UGT1A10: variants seen among roughly 807,000 people sequenced by gnomAD.
UGT1A10 encodes the protein UDP-glucuronosyltransferase 1A10.
A neutral mutation model predicts 45.8 loss-of-function variants in UGT1A10; 49 were observed. That is an observed-to-expected ratio of 1.07 (90% CI 0.85 to 1.36). The LOEUF (loss-of-function observed/expected upper bound fraction) is 1.36. UGT1A10 is among the 40% of genes most tolerant of loss of function. The pLI, the probability that UGT1A10 is intolerant of heterozygous loss-of-function variation, is 0.00. For missense variants in UGT1A10, 745 were observed against 668.6 expected, an observed-to-expected ratio of 1.11 and a Z score of -1.26; for synonymous variants, 284 against 249.7, an observed-to-expected ratio of 1.14 and a Z score of -1.29.
At chr2:233,682,140 G>A in intron 1 of UGT1A10, 1 of 1,614,198 alleles carries the variant, frequency 6.2e-7, no homozygotes, top group Non-Finnish European at 8.5e-7. Context: ...CAACTGGGAA[G>A]ATCACTGAAT....
At chr2:233,650,982 T>C (rs1356448490) in intron 1 of UGT1A10, among the ~76,000 whole-genome samples, 1 of 152,212 alleles carries the variant, frequency 6.6e-6, no homozygotes, top group East Asian at 1.9e-4. Context: ...GTTGTATGTC[T>C]CACACATCGG....
At chr2:233,696,172 A>G (rs755372568) in intron 1 of UGT1A10, among the ~76,000 whole-genome samples, 1 of 152,238 alleles carries the variant, frequency 6.6e-6, no homozygotes, top group Non-Finnish European at 1.5e-5. Flanking sequence ...AAAAAAATAT[A>G]TATTGAAGAG....
intron 1 of UGT1A10, chr2:233,761,091 C>T (rs138454262): frequency 2.5e-6 from 4 of 1,614,104 alleles, no homozygotes; most frequent in Non-Finnish European, 3.4e-6. Context: ...CTAGGCCCAT[C>T]ATGCCCAATA....
intron 1 of UGT1A10, among the ~76,000 whole-genome samples, chr2:233,731,510 C>T (rs1236819305): frequency 6.6e-6 from 1 of 152,156 alleles, no homozygotes; most frequent in African/African-American, 2.4e-5. Context: ...GTTCAGTTCC[C>T]ACCTATGAGT....
At chr2:233,658,238 C>T (rs554172250) in intron 1 of UGT1A10, among the ~76,000 whole-genome samples, 1 of 152,242 alleles carries the variant, frequency 6.6e-6, no homozygotes, top group East Asian at 1.9e-4. Flanking sequence ...AGGCTGGCCT[C>T]AAACTCCTGA....
At chr2:233,721,970 T>C (rs996384194) in intron 1 of UGT1A10, 2 of 281,884 alleles carry the variant, frequency 7.1e-6, no homozygotes, top group African/African-American at 4.4e-5. Context: ...CATACATTGA[T>C]GGCCTGGGTA....
chr2:233,711,508 C>A (rs1359627047), intron 1 of UGT1A10, among the ~76,000 whole-genome samples: 1 of 152,188 alleles, frequency 6.6e-6, no homozygotes. Flanking sequence ...CCCTTTCTAG[C>A]GCTCTGTGTC....
At chr2:233,695,891 A>G (rs1183096724) in intron 1 of UGT1A10, among the ~76,000 whole-genome samples, 1 of 152,212 alleles carries the variant, frequency 6.6e-6, no homozygotes, top group African/African-American at 2.4e-5. Context: ...TTCAGTGAAC[A>G]AATGTGTGGG....
At chr2:233,719,543 A>G (rs756254321) in intron 1 of UGT1A10, 16 of 1,613,668 alleles carry the variant, frequency 9.9e-6, no homozygotes, top group Non-Finnish European at 8.5e-6. Flanking sequence ...TTTTTCAGAG[A>G]GAGGTGTCAG....
chr2:233,714,481 C>T (rs138449579), intron 1 of UGT1A10, among the ~76,000 whole-genome samples: 103 of 152,274 alleles, frequency 6.8e-4, no homozygotes, highest in African/African-American at 2.4e-3. Flanking sequence ...GAGAATGTTT[C>T]TTGTGAAGAC....
At chr2:233,719,184 T>C in intron 1 of UGT1A10, 1 of 1,614,254 alleles carries the variant, frequency 6.2e-7, no homozygotes, top group Non-Finnish European at 8.5e-7. Flanking sequence ...CAATGTATCT[T>C]TGGCCCTTCA....
chr2:233,671,215 G>A (rs770461610), intron 1 of UGT1A10, among the ~76,000 whole-genome samples: 8 of 152,224 alleles, frequency 5.3e-5, no homozygotes, highest in Non-Finnish European at 8.8e-5. Context: ...AGGCAGCTCA[G>A]CAGAGTGCTC....
intron 1 of UGT1A10, chr2:233,691,389 G>A (rs1327522820): frequency 1.0e-6 from 1 of 985,432 alleles, no homozygotes. Flanking sequence ...TTCCCCATGG[G>A]GGCCAGCCCT....
intron 1 of UGT1A10, among the ~76,000 whole-genome samples, chr2:233,674,071 G>C (rs1203148225): frequency 6.6e-6 from 1 of 152,124 alleles, no homozygotes; most frequent in Non-Finnish European, 1.5e-5. Flanking sequence ...AACACCTAAT[G>C]TCTAATCTCA....
chr2:233,729,226 G>C (rs1226081470), intron 1 of UGT1A10: 2 of 1,614,168 alleles, frequency 1.2e-6, no homozygotes, highest in Admixed American at 3.3e-5. Flanking sequence ...GGTGTTGGTG[G>C]TGCCCATTGA....
chr2:233,652,605 T>C (rs1422253511), intron 1 of UGT1A10, among the ~76,000 whole-genome samples: 1 of 152,166 alleles, frequency 6.6e-6, no homozygotes, highest in African/African-American at 2.4e-5. Context: ...CCCCTAATTG[T>C]CTCAAAAATG....
chr2:233,672,765 C>T (rs763206474), intron 1 of UGT1A10: 34 of 1,613,614 alleles, frequency 2.1e-5, no homozygotes, highest in African/African-American at 6.7e-5. Flanking sequence ...GTATCAACTG[C>T]CATCAGGGAA....
At chr2:233,692,972 T>C in intron 1 of UGT1A10, 1 of 1,612,102 alleles carries the variant, frequency 6.2e-7, no homozygotes, top group Non-Finnish European at 8.5e-7. Flanking sequence ...GTGAAAACTC[T>C]TTATTACCGT....
intron 1 of UGT1A10, among the ~76,000 whole-genome samples, chr2:233,697,719 TTCTC>T (rs1575461690): frequency 6.6e-6 from 1 of 152,276 alleles, no homozygotes; most frequent in East Asian, 1.9e-4. Flanking sequence ...TGTTAAAAAC[TTCTC>T]TCTTAGTTCT....
Sources: gnomAD v4.1 joint callset for allele counts (sites outside exome capture counted in the v4.1 genomes callset) on GRCh38, gnomAD v4.1.1 for gene constraint, MANE v1.5 for transcripts, NCBI Gene and HGNC (gene_info 2026-07-23, HGNC 2026-07-21) for gene names.